The following ANK2 variants were observed in gnomAD, a reference collection of about 807,000 sequenced individuals.
ANK2 encodes the protein ankyrin 2, also known as ankyrin-2.
A neutral mutation model predicts 360.5 loss-of-function variants in ANK2; 83 were observed. The ratio of observed to expected loss-of-function variants is 0.23; its 90% confidence interval spans 0.19 to 0.28. The LOEUF (loss-of-function observed/expected upper bound fraction) is 0.28, where lower values mean the gene tolerates loss of function less well. ANK2 is among the 10% of genes least tolerant of loss of function. ANK2 has a pLI of 1.00. For synonymous variants in ANK2, 1,740 were observed against 1,759.5 expected, an observed-to-expected ratio of 0.99 and a Z score of 0.28; for missense variants, 4,201 against 4,795.7, an observed-to-expected ratio of 0.88 and a Z score of 3.66.
At chr4:112,910,758 G>A (rs961024792) in intron 2 of ANK2, among the ~76,000 whole-genome samples, 1 of 152,058 alleles carries the variant, frequency 6.6e-6, no homozygotes, top group Non-Finnish European at 1.5e-5. Context: ...TTTTACCTTA[G>A]AAAGAGGATA....
At position 113,278,540 on chromosome 4, in the gene ANK2, C is replaced by A; in HGVS notation, c.1863C>A (p.Ser621=). The A allele has an allele frequency of 6.2e-7, 1 of 1,613,934 alleles. No homozygotes were observed. Among genetic ancestry groups the A allele is most frequent in the Non-Finnish European group, 8.5e-7 (1 of 1,179,918 alleles). The change falls in exon 17 of 46, where the codon TCC becomes TCA. Residue 621 remains serine, a synonymous_variant. Coordinates refer to ENST00000357077, the MANE Select transcript of ANK2 (RefSeq NM_001148.6). ...TGCTGTTACTGGAGAAGGGTGCTTC[C>A]CCTCATGCCACTGCCAAGGTGAGGA... ...VALLLLEKGA[S]PHATAKNGYT... is the part of the protein sequence containing the mutation.
intron 2 of ANK2, among the ~76,000 whole-genome samples, chr4:112,962,227 A>G (rs754160039): frequency 2.6e-5 from 4 of 151,978 alleles, no homozygotes; most frequent in African/African-American, 9.7e-5. Context: ...TGCAGTGTCT[A>G]TTGTTCCCGT....
At chr4:112,756,276 AG>A in the ANK2 span, among the ~76,000 whole-genome samples, 1 of 146,768 alleles carries the variant, frequency 6.8e-6, no homozygotes, top group Non-Finnish European at 1.5e-5. Flanking sequence ...TGCTGTCCAG[AG>A]CACTTGGCTC....
At chr4:113,249,193 G>GA (rs1333418228) in intron 9 of ANK2, among the ~76,000 whole-genome samples, 1 of 152,146 alleles carries the variant, frequency 6.6e-6, no homozygotes, top group Non-Finnish European at 1.5e-5. Flanking sequence ...ATATATGTGT[G>GA]AAAATCTTTA....
intron 1 of ANK2, among the ~76,000 whole-genome samples, chr4:113,105,040 A>T (rs1213428223): frequency 6.6e-6 from 1 of 152,100 alleles, no homozygotes; most frequent in African/African-American, 2.4e-5. Flanking sequence ...TGAGAGGCTA[A>T]TGTTCATGAC....
At chr4:113,047,557 AG>A (rs1167359805), upstream of ANK2, among the ~76,000 whole-genome samples, 5 of 152,082 alleles carry the variant, frequency 3.3e-5, no homozygotes, top group East Asian at 9.7e-4. Flanking sequence ...GGAATGAGTG[AG>A]GGGTTGGGAG....
intron 24 of ANK2, among the ~76,000 whole-genome samples, chr4:113,314,290 A>G (rs1002026559): frequency 5.3e-5 from 8 of 152,188 alleles, no homozygotes; most frequent in Non-Finnish European, 1.2e-4. Context: ...AAAATTGTGG[A>G]TTTCTACTCG....
intron 41 of ANK2, among the ~76,000 whole-genome samples, chr4:113,365,889 T>A (rs984889202): frequency 1.3e-5 from 2 of 152,176 alleles, no homozygotes; most frequent in Non-Finnish European, 2.9e-5. Flanking sequence ...CTACCTTCCA[T>A]CCTATTAAAA....
chr4:113,196,278 CT>C, intron 2 of ANK2, 89 bp from the exon 3 acceptor site: 2 of 962,312 alleles, frequency 2.1e-6, no homozygotes, highest in Non-Finnish European at 3.3e-6. Context: ...CAGAGTCTGT[CT>C]GTTCTCTGGG....
Position 113,311,274 on chromosome 4 carries a change from T to C in ANK2, c.2568T>C (p.Gly856=), listed in dbSNP as rs756304880. The C allele has an allele frequency of 6.2e-7, 1 of 1,614,056 alleles. No individual in the cohort carries two copies. Among genetic ancestry groups the C allele is most frequent in the East Asian group, 2.2e-5 (1 of 44,866 alleles). ...SDEEGDDTMT[G]DGGEYLRPED... The stretch of plus-strand genomic sequence containing the variant: ...TTCAAGGTGATGACACAATGACTGG[T>C]GATGGGGGAGAATACCTTAGGCCTG... The change falls in exon 24 of 46, where the codon GGT becomes GGC. Residue 856 remains glycine, a synonymous_variant. Coordinates refer to ENST00000357077, the MANE Select transcript of ANK2 (RefSeq NM_001148.6).
chr4:113,242,495 T>C (rs1214118507), intron 9 of ANK2, among the ~76,000 whole-genome samples: 1 of 152,224 alleles, frequency 6.6e-6, no homozygotes, highest in Non-Finnish European at 1.5e-5. Context: ...AGATTAGGCT[T>C]ACACAACTCT....
At chr4:112,831,448 A>G (rs1006526026) in intron 1 of ANK2, among the ~76,000 whole-genome samples, 7 of 152,178 alleles carry the variant, frequency 4.6e-5, no homozygotes, top group Non-Finnish European at 7.3e-5. Context: ...AAATGCACCA[A>G]TCAGCACCTT....
chr4:113,178,927 C>T (rs2098320734), intron 2 of ANK2, among the ~76,000 whole-genome samples: 1 of 152,092 alleles, frequency 6.6e-6, no homozygotes, highest in Admixed American at 6.6e-5. Context: ...TTGGAGCTGC[C>T]CTTCAAAGTA....
chr4:112,942,775 A>G (rs1488780988), intron 2 of ANK2, among the ~76,000 whole-genome samples: 1 of 152,012 alleles, frequency 6.6e-6, no homozygotes, highest in African/African-American at 2.4e-5. Flanking sequence ...TTTTATTTGT[A>G]TCGACTTTAG....
Position 113,346,165 on chromosome 4 carries a change from T to C in ANK2, c.4371+143T>C, listed in dbSNP as rs149339936. 2.5e-5 allele frequency: 25 copies of C among 988,612 alleles called. No homozygotes were observed. In the African/African-American group the frequency reaches 3.8e-4, roughly 15 times the overall value. 61.2% of individuals were successfully genotyped at this position (988,612 alleles called of 1,614,324 possible). On this transcript the variant is annotated intron_variant, in intron 35 of 45. Transcript: ENST00000357077. The stretch of plus-strand genomic sequence containing the variant: ...TAAAATGAATACCAACAAAGACTGA[T>C]TGAAAGCATGTGTAATAATCACGTT...
At chr4:112,923,457 C>A (rs2091982887) in intron 2 of ANK2, among the ~76,000 whole-genome samples, 1 of 150,520 alleles carries the variant, frequency 6.6e-6, no homozygotes, top group African/African-American at 2.4e-5. Flanking sequence ...TTTTAATGAG[C>A]ACCTGTCTAA....
At chr4:113,129,887 C>T (rs769449518) in intron 1 of ANK2, among the ~76,000 whole-genome samples, 23 of 152,078 alleles carry the variant, frequency 1.5e-4, no homozygotes, top group Non-Finnish European at 3.2e-4. Flanking sequence ...GTGATATTAA[C>T]TACATGATGT....
At chr4:113,376,802 G>GTTTTTTTTTTTTTTTTTTTTTTTTATGTT (rs36011726) in intron 45 of ANK2, among the ~76,000 whole-genome samples, 1 of 114,184 alleles carries the variant, frequency 8.8e-6, no homozygotes, top group Non-Finnish European at 1.7e-5. Flanking sequence ...ACTTTTTAAG[G>GTTTTTTTTTTTTTTTTTTTTTTTTATGTT]TTTTTTTTTT....
At chr4:113,106,809 T>C (rs2093679631) in intron 1 of ANK2, 1 of 455,774 alleles carries the variant, frequency 2.2e-6, no homozygotes, top group Non-Finnish European at 4.4e-6. Context: ...ACAGATTGGT[T>C]GACTCTGTAC....
Sources: gnomAD v4.1 joint callset for allele counts (sites outside exome capture counted in the v4.1 genomes callset) on GRCh38, gnomAD v4.1.1 for gene constraint, MANE v1.5 for transcripts, NCBI Gene and HGNC (gene_info 2026-07-23, HGNC 2026-07-21) for gene names.